The following GDPD5 variants were observed in gnomAD, a reference collection of about 807,000 sequenced individuals.
The protein encoded by GDPD5 is glycerophosphodiester phosphodiesterase domain containing 5, also known as glycerophosphodiester phosphodiesterase 2.
Under a neutral mutation model 75.1 loss-of-function variants are expected in GDPD5, and 48 were observed. That is an observed-to-expected ratio of 0.64 (90% confidence interval 0.51 to 0.81). The LOEUF (loss-of-function observed/expected upper bound fraction) is 0.81. Among genes scored for constraint, GDPD5 ranks in the 40% least tolerant of loss-of-function variants. The pLI, the probability that GDPD5 is intolerant of heterozygous loss-of-function variation, is 0.00. For synonymous variants in GDPD5, 336 were observed against 339.0 expected, an observed-to-expected ratio of 0.99 and a Z score of 0.10; for missense variants, 706 against 822.6, an observed-to-expected ratio of 0.86 and a Z score of 1.73.
intron 2 of GDPD5, 143 bp from the exon 3 acceptor site, chr11:75,477,938 G>A (rs1949814878): frequency 1.2e-5 from 5 of 407,280 alleles, no homozygotes; most frequent in Non-Finnish European, 1.3e-5. Context: ...GGAGTCACAG[G>A]CCCACCCCTG....
chr11:75,450,114 G>A, intron 6 of GDPD5, 131 bp from the exon 7 acceptor site: 1 of 686,646 alleles, frequency 1.5e-6, no homozygotes, highest in Non-Finnish European at 2.5e-6. Context: ...AGGGGAGGGA[G>A]GAAAGAGACA....
intron 4 of GDPD5, among the ~76,000 whole-genome samples, 153 bp from the exon 5 acceptor site, chr11:75,457,939 C>T (rs2135271600): frequency 6.6e-6 from 1 of 152,356 alleles, no homozygotes; most frequent in South Asian, 2.1e-4. Flanking sequence ...CTGCCTGATG[C>T]TCTACCATGC....
At chr11:75,493,844 G>A (rs982804322) in intron 1 of GDPD5, among the ~76,000 whole-genome samples, 2 of 152,094 alleles carry the variant, frequency 1.3e-5, no homozygotes, top group African/African-American at 4.8e-5. Flanking sequence ...GCTCCAATTT[G>A]TGGTTCTAAA....
rs1592182050 is a variant in GDPD5, at chr11:75,525,938, A to G, written c.-873T>C. ...CCCACCGGAGCCGCAGCCCGAGCTC[A>G]GCCGAAACAGCGCCGCCCAGCGCCC... On this transcript the variant is annotated 5_prime_UTR_variant, in exon 1 of 17. Transcript: ENST00000336898. 2 of 133,230 alleles carry G rather than the reference A, an allele frequency of 1.5e-5. No individual in the cohort carries two copies. Among genetic ancestry groups the G allele is most frequent in the Non-Finnish European group, 3.1e-5 (2 of 64,234 alleles). 8.3% of individuals were successfully genotyped at this position (133,230 alleles called of 1,614,324 possible).
chr11:75,510,275 C>A (rs1309390635), intron 1 of GDPD5, among the ~76,000 whole-genome samples: 1 of 152,214 alleles, frequency 6.6e-6, no homozygotes, highest in Admixed American at 6.5e-5. Flanking sequence ...CTCCTGAGAG[C>A]TCTTCAGAGT....
At chr11:75,439,357 G>T in intron 15 of GDPD5, 1 of 456,504 alleles carries the variant, frequency 2.2e-6, no homozygotes, top group Non-Finnish European at 4.4e-6. Flanking sequence ...AGTGATAGCT[G>T]TGAGATGCCA....
intron 1 of GDPD5, among the ~76,000 whole-genome samples, chr11:75,515,166 CA>C (rs1950610912): frequency 1.3e-5 from 2 of 152,212 alleles, no homozygotes; most frequent in Admixed American, 1.3e-4. Context: ...GTGGAGATGC[CA>C]GGGGCATTCC....
At chr11:75,501,529 G>A (rs1950304852) in intron 1 of GDPD5, among the ~76,000 whole-genome samples, 1 of 152,252 alleles carries the variant, frequency 6.6e-6, no homozygotes, top group African/African-American at 2.4e-5. Context: ...GCCTCGCTCA[G>A]AGTCACCTGC....
chr11:75,477,805 G>A lies in GDPD5; in HGVS notation c.-60-10C>T, dbSNP rs1949812555. On this transcript the variant is annotated splice_polypyrimidine_tract_variant and intron_variant, in intron 2 of 16. Transcript: ENST00000336898. The stretch of plus-strand genomic sequence containing the variant: ...AGGCCCCCAGCTTGTCCTGCAGGAG[G>A]AAGCACAGGGCAGTGAGGCAGGGGA... 3 of 1,076,224 alleles carry A rather than the reference G, an allele frequency of 2.8e-6. No homozygotes were observed. The highest frequency in any genetic ancestry group is 1.6e-5 in the South Asian group (1 of 60,652). The allele number at this position is 1,076,224 out of a possible 1,614,324, so 66.7% of individuals were successfully genotyped here.
intron 9 of GDPD5, chr11:75,448,755 C>T (rs574080027): frequency 8.3e-7 from 1 of 1,209,268 alleles, no homozygotes; most frequent in East Asian, 3.6e-5. Context: ...CTTTGCAGGG[C>T]ACTTAGGACA....
intron 6 of GDPD5, chr11:75,450,305 C>T: frequency 2.3e-6 from 1 of 434,458 alleles, no homozygotes; most frequent in Non-Finnish European, 4.2e-6. Flanking sequence ...TAAGGGGGAC[C>T]TCCCTGGGCC....
intron 1 of GDPD5, among the ~76,000 whole-genome samples, chr11:75,500,265 C>A (rs1443254768): frequency 1.3e-5 from 2 of 152,210 alleles, no homozygotes; most frequent in African/African-American, 4.8e-5. Flanking sequence ...CCCTGCACCC[C>A]TTCCCAGCTC....
chr11:75,491,648 C>G (rs1565210654), intron 1 of GDPD5, among the ~76,000 whole-genome samples: 1 of 152,208 alleles, frequency 6.6e-6, no homozygotes, highest in Non-Finnish European at 1.5e-5. Context: ...AATCTTGGCT[C>G]TTACTGTGTG....
chr11:75,477,557 C>T (rs998836291), intron 3 of GDPD5, 62 bp downstream of exon 3: 6 of 1,097,114 alleles, frequency 5.5e-6, no homozygotes, highest in Non-Finnish European at 7.8e-6. Context: ...GACCCCTCCC[C>T]CAGCCCCTCA....
intron 1 of GDPD5, among the ~76,000 whole-genome samples, chr11:75,511,027 T>C (rs1439954914): frequency 2.0e-5 from 3 of 152,204 alleles, no homozygotes; most frequent in African/African-American, 7.2e-5. Context: ...TGCAGCACTG[T>C]GGGGGAAAAA....
chr11:75,467,709 G>A (rs916418362), intron 3 of GDPD5, among the ~76,000 whole-genome samples: 1 of 152,074 alleles, frequency 6.6e-6, no homozygotes, highest in African/African-American at 2.4e-5. Context: ...ATTCCTGCCC[G>A]AGGGGATGGA....
intron 1 of GDPD5, among the ~76,000 whole-genome samples, chr11:75,503,875 C>T (rs74926718): frequency 0.017 from 2,633 of 152,314 alleles, 33 homozygotes; most frequent in Middle Eastern, 0.068. Context: ...CATCTCCCAG[C>T]CCCCTGCCTC....
At chr11:75,523,519 A>T in intron 1 of GDPD5, among the ~76,000 whole-genome samples, 2 of 152,148 alleles carry the variant, frequency 1.3e-5, no homozygotes, top group East Asian at 3.9e-4. Context: ...TGACAGCCAG[A>T]TGTGATGGCC....
chr11:75,514,100 G>A (rs117288647), intron 1 of GDPD5, among the ~76,000 whole-genome samples: 34 of 152,346 alleles, frequency 2.2e-4, no homozygotes, highest in Non-Finnish European at 4.4e-4. Context: ...TCAGCTGAGT[G>A]GGTAGGAAGG....
Sources: allele counts gnomAD v4.1 joint callset (sites outside exome capture counted in the v4.1 genomes callset), GRCh38; gene constraint gnomAD v4.1.1; transcripts MANE v1.5; gene names NCBI Gene and HGNC (gene_info 2026-07-23, HGNC 2026-07-21).